The following VWDE variants were observed in gnomAD, a reference collection of about 807,000 sequenced individuals.
The protein encoded by VWDE is von Willebrand factor D and EGF domain-containing protein.
Under a neutral mutation model 178.4 loss-of-function variants are expected in VWDE, and 207 were observed. The ratio of observed to expected loss-of-function variants is 1.16; its 90% confidence interval spans 1.04 to 1.30. VWDE has a LOEUF of 1.30. VWDE is among the 50% of genes most tolerant of loss of function. VWDE has a pLI of 0.00. For missense variants in VWDE, 2,287 were observed against 1,901.3 expected, an observed-to-expected ratio of 1.20 and a Z score of -3.77; for synonymous variants, 738 against 651.4, an observed-to-expected ratio of 1.13 and a Z score of -2.02.
chr7:12,337,186 A>C lies in VWDE; in HGVS notation c.4453T>G (p.Phe1485Val). ...VCREGYTGRRFQKSICDPTCM... is the reference protein window; with the variant it reads ...VCREGYTGRRVQKSICDPTCM... The stretch of plus-strand genomic sequence containing the variant: ...TTTAGTGATGTCTTACTTTTTTGGA[A>C]TCTCCTACCAGTGTATCCTTCACGA... Residue 1485 changes from phenylalanine to valine, a missense_variant, in exon 25 of 29, where the codon TTC (phenylalanine) becomes GTC (valine). Coordinates refer to ENST00000275358, the MANE Select transcript of VWDE (RefSeq NM_001135924.3). 6.4e-7 allele frequency: 1 copy of C among 1,551,670 alleles called. No individual in the cohort carries two copies. The highest frequency in any genetic ancestry group is 8.7e-7 in the Non-Finnish European group (1 of 1,146,944).
intron 27 of VWDE, 90 bp downstream of exon 27, chr7:12,336,051 C>G (rs987187117): frequency 1.8e-6 from 2 of 1,138,530 alleles, no homozygotes; most frequent in African/African-American, 3.2e-5. Flanking sequence ...GTTTTTTCCC[C>G]CTTATGGACT....
At chr7:12,385,277 T>C (rs1784045056) in intron 3 of VWDE, among the ~76,000 whole-genome samples, 1 of 152,130 alleles carries the variant, frequency 6.6e-6, no homozygotes, top group African/African-American at 2.4e-5. Context: ...TAAAATTAAA[T>C]ATTATGACTC....
intron 17 of VWDE, among the ~76,000 whole-genome samples, 160 bp downstream of exon 17, chr7:12,357,105 T>G (rs1782289753): frequency 6.6e-6 from 1 of 152,220 alleles, no homozygotes; most frequent in Admixed American, 6.5e-5. Context: ...TTTAAATTCT[T>G]ACAAAGAATA....
chr7:12,375,125 T>C lies in VWDE; in HGVS notation c.1127A>G (p.Tyr376Cys). ...ANGTCSHTFVYYTAVTDFSRD... is the reference protein window; with the variant it reads ...ANGTCSHTFVCYTAVTDFSRD... The stretch of plus-strand genomic sequence containing the variant: ...AGAAAAATCTGTGACAGCAGTGTAG[T>C]ACACAAAAGTGTGGCTACAGGTTCC... Residue 376 changes from tyrosine to cysteine, a missense_variant, in exon 8 of 29, where the codon TAC (tyrosine) becomes TGC (cysteine). Transcript: ENST00000275358. 3 of 1,551,218 alleles carry C rather than the reference T, an allele frequency of 1.9e-6. No individual in the cohort carries two copies. Among genetic ancestry groups the C allele is most frequent in the Non-Finnish European group, 8.7e-7 (1 of 1,146,640 alleles).
At chr7:12,376,509 G>C (rs1319471416) in intron 7 of VWDE, among the ~76,000 whole-genome samples, 1 of 152,080 alleles carries the variant, frequency 6.6e-6, no homozygotes, top group East Asian at 1.9e-4. Flanking sequence ...TGCTTGCCTT[G>C]TTGAAAGAAT....
Position 12,331,171 on chromosome 7 carries a change from AC to A in VWDE, c.*11del. 1 of 1,540,020 alleles carries A rather than the reference AC, an allele frequency of 6.5e-7. No individual in the cohort carries two copies. The highest frequency in any genetic ancestry group is 8.8e-7 in the Non-Finnish European group (1 of 1,139,312). On this transcript the variant is annotated 3_prime_UTR_variant, in exon 29 of 29. Transcript: ENST00000275358. ...TAAGATACAGGCTTGTAATTCATAT[AC>A]TTGATGCTACTCAATGGCGTCTTAT...
At chr7:12,367,702 T>C (rs1300309508) in intron 12 of VWDE, among the ~76,000 whole-genome samples, 4 of 152,070 alleles carry the variant, frequency 2.6e-5, no homozygotes, top group Admixed American at 6.6e-5. Flanking sequence ...ATAATAATAT[T>C]ACAAACACTA....
chr7:12,360,467 C>G (rs1251444504), intron 15 of VWDE, among the ~76,000 whole-genome samples: 2 of 152,074 alleles, frequency 1.3e-5, no homozygotes, highest in East Asian at 3.8e-4. Flanking sequence ...GAGATTTGAT[C>G]TGATGACTAA....
intron 28 of VWDE, among the ~76,000 whole-genome samples, chr7:12,332,414 T>C (rs752243775): frequency 2.0e-5 from 3 of 151,460 alleles, no homozygotes; most frequent in Non-Finnish European, 2.9e-5. Flanking sequence ...CTATTGATCA[T>C]ATGAGGAAGG....
rs998604486 is a variant in VWDE at position 12,356,451 on chromosome 7, GAT to G, written c.3526-123_3526-122del. On this transcript the variant is annotated intron_variant, in intron 17 of 28. Coordinates refer to ENST00000275358, the MANE Select transcript of VWDE (RefSeq NM_001135924.3). ...AAGTATGACCAAATCACTTATATTTGATATATATACACACACACACAAATGTA... is the reference window on the plus strand; with the variant it reads ...AAGTATGACCAAATCACTTATATTTGATATATACACACACACACAAATGTA... 17 of 691,472 alleles carry G rather than the reference GAT, an allele frequency of 2.5e-5. No homozygotes were observed. In the African/African-American group the frequency reaches 3.4e-4, roughly 14 times the overall value. 42.8% of individuals were successfully genotyped at this position (691,472 alleles called of 1,614,324 possible).
intron 24 of VWDE, among the ~76,000 whole-genome samples, chr7:12,338,688 T>G (rs1781167420): frequency 6.6e-6 from 1 of 152,124 alleles, no homozygotes; most frequent in South Asian, 2.1e-4. Context: ...ATTTATGAGA[T>G]CTATAGGCCT....
chr7:12,370,407 C>T lies in VWDE; in HGVS notation c.1899G>A (p.Pro633=), dbSNP rs907618876. The T allele has an allele frequency of 1.5e-5, 23 of 1,548,122 alleles. No homozygotes were observed. The highest frequency in any genetic ancestry group is 7.8e-5 in the Admixed American group (4 of 50,964). The change falls in exon 12 of 29, where the codon CCG becomes CCA. Residue 633 remains proline, a synonymous_variant. Coordinates refer to ENST00000275358, the MANE Select transcript of VWDE (RefSeq NM_001135924.3). ...AAACACTGTCCAGATCTTCGGAAGA[C>T]GGATACGCTGCAGTGTCCAATGAAC... The part of the protein sequence containing the change: ...CSCSLDTAAY[P]SSEDLDSVSR...
At chr7:12,340,465 A>T (rs1490070870) in intron 23 of VWDE, 48 bp from the exon 24 acceptor site, 1 of 1,418,866 alleles carries the variant, frequency 7.0e-7, no homozygotes. Context: ...TTATTATTTA[A>T]AAAATGAAAG....
intron 1 of VWDE, among the ~76,000 whole-genome samples, chr7:12,396,324 A>G (rs1004019790): frequency 1.3e-5 from 2 of 151,910 alleles, no homozygotes; most frequent in African/African-American, 4.8e-5. Context: ...TTAAGAAGCC[A>G]AATAAATCAT....
In VWDE at chr7:12,344,275, T is replaced by C. The variant is rs1358709415; in HGVS notation, c.3998A>G (p.Asp1333Gly). The C allele has an allele frequency of 6.4e-7, 1 of 1,551,176 alleles. No individual in the cohort carries two copies. Among genetic ancestry groups the C allele is most frequent in the South Asian group, 1.2e-5 (1 of 84,028 alleles). Residue 1333 changes from aspartate to glycine, a missense_variant, in exon 21 of 29, where the codon GAT (aspartate) becomes GGT (glycine). Physicochemically the swap from Asp to Gly is moderately conservative, Grantham distance 94. Coordinates refer to ENST00000275358, the MANE Select transcript of VWDE (RefSeq NM_001135924.3). ...AATACATTTTCCATGGTTTTTGCAATCAGGGTCACAAAGAGCTGTATAAAA... is the reference window on the plus strand; with the variant it reads ...AATACATTTTCCATGGTTTTTGCAACCAGGGTCACAAAGAGCTGTATAAAA... ...SNCQTALCDP[D>G]CKNHGKCIKP... is the part of the protein sequence containing the mutation.
At chr7:12,369,060 C>T (rs1450847561) in intron 12 of VWDE, among the ~76,000 whole-genome samples, 2 of 152,108 alleles carry the variant, frequency 1.3e-5, no homozygotes, top group East Asian at 3.9e-4. Context: ...AGAAAATATA[C>T]TGTATAGATA....
chr7:12,350,630 G>A (rs1293849367), intron 19 of VWDE, among the ~76,000 whole-genome samples: 1 of 152,062 alleles, frequency 6.6e-6, no homozygotes, highest in Middle Eastern at 3.2e-3. Context: ...TACAATGAGA[G>A]CGTAAGTTTG....
intron 13 of VWDE, among the ~76,000 whole-genome samples, chr7:12,364,147 GA>G (rs1317913821): frequency 2.6e-5 from 4 of 152,010 alleles, no homozygotes; most frequent in Non-Finnish European, 4.4e-5. Flanking sequence ...GCACTGCACT[GA>G]AATCAGAAGT....
chr7:12,365,736 C>T (rs1443643415), intron 13 of VWDE, among the ~76,000 whole-genome samples: 3 of 151,990 alleles, frequency 2.0e-5, no homozygotes, highest in Non-Finnish European at 4.4e-5. Flanking sequence ...GAATTAAAGG[C>T]TAGAAGAGCC....
Sources: gnomAD v4.1 joint callset for allele counts (sites outside exome capture counted in the v4.1 genomes callset) on GRCh38, gnomAD v4.1.1 for gene constraint, MANE v1.5 for transcripts, NCBI Gene and HGNC (gene_info 2026-07-23, HGNC 2026-07-21) for gene names.